The following COL12A1 variants were observed in gnomAD, a reference collection of about 807,000 sequenced individuals.
COL12A1 encodes the protein collagen alpha-1(XII) chain.
A neutral mutation model predicts 349.7 loss-of-function variants in COL12A1; 114 were observed. That is an observed-to-expected ratio of 0.33 (90% CI 0.28 to 0.38). The LOEUF (loss-of-function observed/expected upper bound fraction) is 0.38, where lower values mean the gene tolerates loss of function less well. COL12A1 is among the 10% of genes least tolerant of loss of function. The pLI, the probability that COL12A1 is intolerant of heterozygous loss-of-function variation, is 1.00. For synonymous variants in COL12A1, 1,369 were observed against 1,329.0 expected (o/e 1.03, Z -0.66); for missense variants, 3,284 against 3,756.9 (o/e 0.87, Z 3.29).
At chr6:75,119,220 C>T in intron 45 of COL12A1, 34 bp from the exon 46 acceptor site, 4 of 1,613,584 alleles carry the variant, frequency 2.5e-6, no homozygotes, top group Non-Finnish European at 3.4e-6. Context: ...TTTAGTGTCA[C>T]TTCAGTGAAA....
In COL12A1 at chr6:75,183,198, G is replaced by GCGAA; in HGVS notation, c.1739_1742dup (p.Glu583LeufsTer22). On this transcript the variant is annotated frameshift_variant, in exon 10 of 66. Coordinates refer to ENST00000322507, the MANE Select transcript of COL12A1 (RefSeq NM_004370.6). LOFTEE classifies it high-confidence loss of function. ...GAGAGGCAATAGCTTCCAATTCTGA[G>GCGAA]CGAACGGCATCCTTCACACCAACTG... 6.2e-7 allele frequency: 1 copy of GCGAA among 1,614,168 alleles called. No individual in the cohort carries two copies. The highest frequency in any genetic ancestry group is 8.5e-7 in the Non-Finnish European group (1 of 1,180,038).
chr6:75,124,445 T>A, intron 40 of COL12A1, 74 bp from the exon 41 acceptor site: 1 of 1,083,134 alleles, frequency 9.2e-7, no homozygotes, highest in Non-Finnish European at 1.3e-6. Flanking sequence ...ATAACACAAT[T>A]TTCAAACTTT....
chr6:75,156,366 G>A lies in COL12A1; in HGVS notation c.3141C>T (p.Val1047=). ...KQMVAKVPPT[V]TSTVLKRLQP... is the part of the protein sequence containing the mutation. ...GAAGTCGCTTTAACACTGTCGAAGT[G>A]ACTGTGGGGGGCACCTTAGCAACCA... The change falls in exon 15 of 66, where the codon GTC becomes GTT. Residue 1047 remains valine (V), a synonymous_variant. Coordinates refer to ENST00000322507, the MANE Select transcript of COL12A1 (RefSeq NM_004370.6). 1.2e-6 allele frequency: 2 copies of A among 1,613,974 alleles called. No individual in the cohort carries two copies. The highest frequency in any genetic ancestry group is 1.7e-6 in the Non-Finnish European group (2 of 1,179,916).
At chr6:75,159,910 C>T (rs1022202378) in intron 14 of COL12A1, among the ~76,000 whole-genome samples, 10 of 151,986 alleles carry the variant, frequency 6.6e-5, no homozygotes, top group Non-Finnish European at 1.3e-4. Flanking sequence ...TTAATAACAG[C>T]CAAAAGTGAT....
chr6:75,132,479 C>T (rs1352969439), intron 34 of COL12A1, among the ~76,000 whole-genome samples: 1 of 152,178 alleles, frequency 6.6e-6, no homozygotes, highest in African/African-American at 2.4e-5. Context: ...CTATTGAGCT[C>T]ATCTGATTCA....
In COL12A1 at chr6:75,130,844, T is replaced by C. The variant is rs1229065950; in HGVS notation, c.6067+8A>G. The C allele has an allele frequency of 6.2e-7, 1 of 1,613,936 alleles. No individual in the cohort carries two copies. The highest frequency in any genetic ancestry group is 8.5e-7 in the Non-Finnish European group (1 of 1,179,958). Reference sequence around the variant, plus strand: ...GGGAATGGAATGGAGAAAGGATTTCTGCCTCACGCGTTCGGCCCTGGGCAG... The same window carrying C: ...GGGAATGGAATGGAGAAAGGATTTCCGCCTCACGCGTTCGGCCCTGGGCAG... On this transcript the variant is annotated splice_region_variant and intron_variant, in intron 36 of 65. Transcript: ENST00000322507.
chr6:75,187,040 G>A (rs1364799307), intron 8 of COL12A1, among the ~76,000 whole-genome samples: 1 of 151,792 alleles, frequency 6.6e-6, no homozygotes, highest in Non-Finnish European at 1.5e-5. Flanking sequence ...CTACCTGGGT[G>A]ATGAAATGAT....
intron 36 of COL12A1, 121 bp downstream of exon 36, chr6:75,130,731 A>G (rs1230628929): frequency 1.2e-5 from 15 of 1,252,084 alleles, no homozygotes; most frequent in Non-Finnish European, 1.6e-5. Flanking sequence ...ATGTAAATGT[A>G]GGGGATCCCA....
At chr6:75,134,103 G>T in intron 32 of COL12A1, 106 bp from the exon 33 acceptor site, 1 of 1,247,994 alleles carries the variant, frequency 8.0e-7, no homozygotes, top group Non-Finnish European at 1.1e-6. Context: ...AGCAGGCACC[G>T]CACAAACATT....
intron 2 of COL12A1, among the ~76,000 whole-genome samples, chr6:75,197,703 G>C (rs567289556): frequency 2.4e-4 from 37 of 152,224 alleles, no homozygotes; most frequent in South Asian, 8.3e-4. Flanking sequence ...AAGAGAAACA[G>C]AATGAAAATT....
chr6:75,125,069 T>A (rs1765946770), intron 40 of COL12A1, 58 bp downstream of exon 40: 1 of 1,481,634 alleles, frequency 6.7e-7, no homozygotes, highest in African/African-American at 1.4e-5. Context: ...TAAAACAGGC[T>A]GACCTGGTAA....
chr6:75,091,271 C>G, intron 62 of COL12A1, 52 bp downstream of exon 62: 1 of 1,467,132 alleles, frequency 6.8e-7, no homozygotes, highest in Non-Finnish European at 9.4e-7. Context: ...TCTGCATTTT[C>G]CTGCAATTAA....
intron 51 of COL12A1, among the ~76,000 whole-genome samples, chr6:75,110,260 A>G (rs1768767472): frequency 6.6e-6 from 1 of 152,062 alleles, no homozygotes; most frequent in Non-Finnish European, 1.5e-5. Flanking sequence ...CACAGATGCA[A>G]ACATTGACAA....
chr6:75,192,606 C>T (rs1276581494), intron 3 of COL12A1, among the ~76,000 whole-genome samples: 5 of 152,004 alleles, frequency 3.3e-5, no homozygotes, highest in Non-Finnish European at 7.4e-5. Flanking sequence ...CAAGACATTT[C>T]TAGTTTAAAG....
At chr6:75,161,639 T>C (rs1225692966) in intron 14 of COL12A1, among the ~76,000 whole-genome samples, 1 of 152,178 alleles carries the variant, frequency 6.6e-6, no homozygotes, top group African/African-American at 2.4e-5. Context: ...CAACATAGTA[T>C]TGGAAGTTCT....
chr6:75,119,610 T>C (rs1769256496), intron 44 of COL12A1, 137 bp from the exon 45 acceptor site: 2 of 914,320 alleles, frequency 2.2e-6, no homozygotes, highest in Admixed American at 2.9e-5. Context: ...TTGTAAGCTC[T>C]TTATAGCTAA....
chr6:75,125,497 T>G lies in COL12A1; in HGVS notation c.6461-224A>C, dbSNP rs141360799. Among the ~76,000 whole-genome samples the G allele has an allele frequency of 1.4e-3, 216 of 152,278 alleles. 1 individual carries two copies. Among genetic ancestry groups the G allele is most frequent in the Non-Finnish European group, 1.8e-3 (122 of 68,010 alleles). ...TATTCTCAAAGCATAGCACAGTATTTGGAATATAGTAGGTATATAATCAAT... is the reference window on the plus strand; with the variant it reads ...TATTCTCAAAGCATAGCACAGTATTGGGAATATAGTAGGTATATAATCAAT... On this transcript the variant is annotated intron_variant, in intron 39 of 65. Coordinates refer to ENST00000322507, the MANE Select transcript of COL12A1 (RefSeq NM_004370.6).
chr6:75,200,944 GC>G (rs1770496273), intron 2 of COL12A1, among the ~76,000 whole-genome samples: 1 of 143,154 alleles, frequency 7.0e-6, no homozygotes, highest in East Asian at 2.0e-4. Flanking sequence ...AGATTAAGAA[GC>G]AAAAAAAAAA....
chr6:75,175,342 C>T (rs1256889137), intron 12 of COL12A1, 32 bp from the exon 13 acceptor site: 1 of 1,590,284 alleles, frequency 6.3e-7, no homozygotes, highest in South Asian at 1.1e-5. Context: ...TCATCAAAAC[C>T]CATTATTTAA....
Sources: gnomAD v4.1 joint callset for allele counts (sites outside exome capture counted in the v4.1 genomes callset) on GRCh38, gnomAD v4.1.1 for gene constraint, MANE v1.5 for transcripts, NCBI Gene and HGNC (gene_info 2026-07-23, HGNC 2026-07-21) for gene names.